Variants in VAMP3 observed in about 807,000 individuals in gnomAD.
VAMP3 encodes the protein vesicle associated membrane protein 3.
A neutral mutation model predicts 18.1 loss-of-function variants in VAMP3; 11 were observed. The observed-to-expected ratio is 0.61, with a 90% CI of 0.38 to 1.00. The LOEUF (loss-of-function observed/expected upper bound fraction) is 1.00, where lower values mean the gene tolerates loss of function less well. VAMP3 is among the 50% of genes least tolerant of loss of function. The pLI is 0.01. For synonymous variants in VAMP3, 49 were observed against 43.1 expected (o/e 1.14, Z -0.53); for missense variants, 122 against 127.3 (o/e 0.96, Z 0.20).
intron 3 of VAMP3, among the ~76,000 whole-genome samples, chr1:7,777,881 C>T (rs1027080971): frequency 3.3e-5 from 5 of 152,182 alleles, no homozygotes; most frequent in Non-Finnish European, 7.4e-5. Flanking sequence ...AACTTGTATA[C>T]ACAAACAAAT....
intron 1 of VAMP3, 109 bp from the exon 2 acceptor site, chr1:7,773,333 C>T: frequency 2.4e-6 from 2 of 833,488 alleles, no homozygotes; most frequent in Admixed American, 2.8e-5. Context: ...TGTTTTAGTT[C>T]TAATGTAAGA....
rs1445656460 is a variant in VAMP3, at chr1:7,779,985, G to A, written c.*340G>A. ...CCCTTGTCATTTGGCATTATTTTCA[G>A]AACCACATTTTAAACCTTTGGGTAA... On this transcript the variant is annotated 3_prime_UTR_variant, in exon 5 of 5. Transcript: ENST00000054666. The A allele has an allele frequency of 4.1e-6, 1 of 244,446 alleles. No homozygotes were observed. Among genetic ancestry groups the A allele is most frequent in the Non-Finnish European group, 7.9e-6 (1 of 126,454 alleles). The allele number at this position is 244,446 out of a possible 1,614,324, so 15.1% of individuals were successfully genotyped here. A position where few individuals can be genotyped will look rare whatever the true frequency, so the allele number is the denominator to read the frequency against.
intron 2 of VAMP3, among the ~76,000 whole-genome samples, chr1:7,774,684 T>C (rs1037093358): frequency 2.9e-4 from 44 of 152,222 alleles, no homozygotes; most frequent in Non-Finnish European, 5.7e-4. Flanking sequence ...TCTGCCTTCT[T>C]TCACTTAGCA....
chr1:7,771,892 A>G (rs1263880000), intron 1 of VAMP3, among the ~76,000 whole-genome samples: 7 of 152,254 alleles, frequency 4.6e-5, no homozygotes, highest in Non-Finnish European at 1.0e-4. Flanking sequence ...AAGCGAAAGC[A>G]CGTTGCAAAC....
intron 4 of VAMP3, 146 bp from the exon 5 acceptor site, chr1:7,779,480 G>C: frequency 9.1e-7 from 1 of 1,104,848 alleles, no homozygotes. Flanking sequence ...GCCCTCTATA[G>C]AATGGAGAGA....
chr1:7,776,428 AT>A (rs1394783713), intron 2 of VAMP3: 1 of 152,102 alleles, frequency 6.6e-6, no homozygotes, highest in Non-Finnish European at 1.5e-5. Context: ...ATTCTTTGGT[AT>A]TTTTTATATA....
At chr1:7,777,400 T>C in intron 3 of VAMP3, 82 bp downstream of exon 3, 1 of 1,472,890 alleles carries the variant, frequency 6.8e-7, no homozygotes, top group Non-Finnish European at 9.1e-7. Context: ...TAATGGACTT[T>C]CACGACTCTG....
At chr1:7,773,558 T>C (rs779729815) in intron 2 of VAMP3, 47 bp downstream of exon 2, 2 of 1,516,066 alleles carry the variant, frequency 1.3e-6, no homozygotes, top group Admixed American at 1.7e-5. Flanking sequence ...CAAATATGAG[T>C]ACTCTGGAAA....
chr1:7,779,770 G>T lies in VAMP3; in HGVS notation c.*125G>T. ...ATTTTTTTTGTGTTAATGTAAAGTTGAATTTCTAGGAAACGTGCCTTTGTT... is the reference window on the plus strand; with the variant it reads ...ATTTTTTTTGTGTTAATGTAAAGTTTAATTTCTAGGAAACGTGCCTTTGTT... On this transcript the variant is annotated 3_prime_UTR_variant, in exon 5 of 5. Transcript: ENST00000054666. 1 of 1,312,584 alleles carries T rather than the reference G, an allele frequency of 7.6e-7. No individual in the cohort carries two copies. The highest frequency in any genetic ancestry group is 1.3e-5 in the South Asian group (1 of 76,896). The allele number at this position is 1,312,584 out of a possible 1,614,324, so 81.3% of individuals were successfully genotyped here. A position where few individuals can be genotyped will look rare whatever the true frequency, so the allele number is the denominator to read the frequency against.
chr1:7,776,993 C>A, intron 2 of VAMP3, 167 bp from the exon 3 acceptor site: 1 of 588,040 alleles, frequency 1.7e-6, no homozygotes, highest in Non-Finnish European at 2.7e-6. Context: ...GTTTTTAGTA[C>A]TGAGACAGGG....
At position 7,778,169 on chromosome 1, in the gene VAMP3, G is replaced by A. The variant is rs369968090; in HGVS notation, c.283G>A (p.Val95Met). 4 of 1,613,906 alleles carry A rather than the reference G, an allele frequency of 2.5e-6. No individual in the cohort carries two copies. The highest frequency in any genetic ancestry group is 3.4e-6 in the Non-Finnish European group (4 of 1,179,922). ...VLVIFIIIII[V>M]WVVSS Reference sequence around the variant, plus strand: ...GGTTATCTTCATCATCATCATCATCGGTGAGTTACCCTTTTCTAAACTGAT... The same window carrying A: ...GGTTATCTTCATCATCATCATCATCAGTGAGTTACCCTTTTCTAAACTGAT... The change falls in exon 4 of 5, where the codon GTG becomes ATG. Residue 95 changes from valine to methionine, a missense_variant and splice_region_variant. Val to Met is a conservative substitution (Grantham distance 21). Transcript: ENST00000054666.
At chr1:7,779,358 A>G (rs1313742100) in intron 4 of VAMP3, among the ~76,000 whole-genome samples, 1 of 152,232 alleles carries the variant, frequency 6.6e-6, no homozygotes, top group African/African-American at 2.4e-5. Context: ...AGCCCAGTAT[A>G]TGAGAACCGA....
At chr1:7,776,959 AC>A in intron 2 of VAMP3, 200 bp from the exon 3 acceptor site, 1 of 410,112 alleles carries the variant, frequency 2.4e-6, no homozygotes, top group Non-Finnish European at 4.2e-6. Flanking sequence ...AGCGCCCAGC[AC>A]CCCTCCCGGC....
At chr1:7,778,970 C>G (rs944486172) in intron 4 of VAMP3, among the ~76,000 whole-genome samples, 3 of 151,994 alleles carry the variant, frequency 2.0e-5, no homozygotes, top group Admixed American at 1.3e-4. Flanking sequence ...CTGAGGCGGG[C>G]AGATCACGAG....
Position 7,779,665 on chromosome 1 carries a change from A to ACTG in VAMP3, c.*24_*26dup. The ACTG allele has an allele frequency of 1.2e-6, 2 of 1,614,148 alleles. No homozygotes were observed. The highest frequency in any genetic ancestry group is 1.7e-6 in the Non-Finnish European group (2 of 1,180,016). ...TCATGAAGAACCAGCGGAACTCAAA[A>ACTG]CTGCTGTTCAAGAAACCTCTTCAAG... On this transcript the variant is annotated 3_prime_UTR_variant, in exon 5 of 5. Transcript: ENST00000054666.
In VAMP3 at chr1:7,779,674, C is replaced by A. The variant is rs368251108; in HGVS notation, c.*29C>A. ...ACCAGCGGAACTCAAAACTGCTGTTCAAGAAACCTCTTCAAGACTTTTGAC... is the reference window on the plus strand; with the variant it reads ...ACCAGCGGAACTCAAAACTGCTGTTAAAGAAACCTCTTCAAGACTTTTGAC... On this transcript the variant is annotated 3_prime_UTR_variant, in exon 5 of 5. Transcript: ENST00000054666. The A allele has an allele frequency of 1.9e-6, 3 of 1,613,904 alleles. No individual in the cohort carries two copies. Among genetic ancestry groups the A allele is most frequent in the Non-Finnish European group, 2.5e-6 (3 of 1,179,958 alleles).
chr1:7,773,191 G>A, intron 1 of VAMP3: 1 of 470,416 alleles, frequency 2.1e-6, no homozygotes, highest in East Asian at 3.6e-5. Context: ...ATACTTCAGG[G>A]ATACAAAGTA....
intron 1 of VAMP3, 63 bp downstream of exon 1, chr1:7,771,448 C>A: frequency 6.7e-7 from 1 of 1,486,232 alleles, no homozygotes; most frequent in Non-Finnish European, 8.9e-7. Context: ...GCGCTGGGAC[C>A]GCCATACTGC....
chr1:7,779,206 TAAATA>T (rs999098069), intron 4 of VAMP3, among the ~76,000 whole-genome samples: 37 of 151,896 alleles, frequency 2.4e-4, no homozygotes, highest in African/African-American at 8.0e-4. Context: ...AAAAAATAAA[TAAATA>T]AAATAAATAA....
Sources: allele counts gnomAD v4.1 joint callset (sites outside exome capture counted in the v4.1 genomes callset), GRCh38; gene constraint gnomAD v4.1.1; transcripts MANE v1.5; gene names NCBI Gene and HGNC (gene_info 2026-07-23, HGNC 2026-07-21).